ADAMTS17: variants seen among roughly 807,000 people sequenced by gnomAD.
The protein encoded by ADAMTS17 is ADAM metallopeptidase with thrombospondin type 1 motif 17, also known as A disintegrin and metalloproteinase with thrombospondin motifs 17.
A neutral mutation model predicts 141.5 loss-of-function variants in ADAMTS17; 113 were observed. The ratio of observed to expected loss-of-function variants is 0.80; its 90% CI spans 0.69 to 0.93. The LOEUF (loss-of-function observed/expected upper bound fraction) is 0.93, where lower values mean the gene tolerates loss of function less well. ADAMTS17 is among the 40% of genes least tolerant of loss of function. The pLI is 0.00. For missense variants in ADAMTS17, 1,659 were observed against 1,517.9 expected, an observed-to-expected ratio of 1.09 and a Z score of -1.54; for synonymous variants, 768 against 630.6, an observed-to-expected ratio of 1.22 and a Z score of -3.27.
At chr15:100,077,814 G>T (rs2034482157) in intron 15 of ADAMTS17, among the ~76,000 whole-genome samples, 1 of 152,168 alleles carries the variant, frequency 6.6e-6, no homozygotes, top group African/African-American at 2.4e-5. Context: ...GAAAGAAGAA[G>T]TAAAATTATC....
At chr15:100,073,458 G>A (rs2034131538) in intron 15 of ADAMTS17, among the ~76,000 whole-genome samples, 1 of 151,954 alleles carries the variant, frequency 6.6e-6, no homozygotes, top group Non-Finnish European at 1.5e-5. Context: ...AAAGACACAT[G>A]CACACGTATG....
At chr15:100,148,451 C>T (rs1344391928) in intron 10 of ADAMTS17, among the ~76,000 whole-genome samples, 1 of 151,632 alleles carries the variant, frequency 6.6e-6, no homozygotes, top group Non-Finnish European at 1.5e-5. Flanking sequence ...TTTCAGTTTT[C>T]AGAAAAACTG....
intron 20 of ADAMTS17, among the ~76,000 whole-genome samples, chr15:99,992,488 AGAG>A (rs2060709449): frequency 6.6e-6 from 1 of 152,222 alleles, no homozygotes. Flanking sequence ...AATGAATAAA[AGAG>A]GAGTTAAACA....
intron 8 of ADAMTS17, among the ~76,000 whole-genome samples, chr15:100,188,020 G>T (rs1876331668): frequency 6.6e-6 from 1 of 152,144 alleles, no homozygotes; most frequent in Admixed American, 6.5e-5. Flanking sequence ...GGGGTTTGAG[G>T]CTGCAATGAG....
chr15:100,229,563 C>T (rs2042413251), intron 7 of ADAMTS17, among the ~76,000 whole-genome samples: 1 of 152,152 alleles, frequency 6.6e-6, no homozygotes, highest in African/African-American at 2.4e-5. Context: ...CAAGGCTGGT[C>T]CCGCTAAACT....
intron 3 of ADAMTS17, among the ~76,000 whole-genome samples, chr15:100,282,450 C>A (rs1596443586): frequency 6.6e-6 from 1 of 152,188 alleles, no homozygotes; most frequent in South Asian, 2.1e-4. Context: ...TATGTTACGT[C>A]CTATGCATAC....
chr15:100,044,912 A>G (rs182277051), intron 18 of ADAMTS17, among the ~76,000 whole-genome samples: 89 of 152,028 alleles, frequency 5.9e-4, no homozygotes, highest in African/African-American at 2.1e-3. Context: ...GGTTCAAGCA[A>G]TTCTTCTGCC....
intron 10 of ADAMTS17, among the ~76,000 whole-genome samples, chr15:100,141,494 T>C (rs561044681): frequency 9.9e-5 from 15 of 152,256 alleles, no homozygotes; most frequent in African/African-American, 3.6e-4. Flanking sequence ...AAATCAACGC[T>C]AAGAGCTGGA....
At chr15:100,125,086 C>T (rs936863974) in intron 12 of ADAMTS17, among the ~76,000 whole-genome samples, 5 of 152,204 alleles carry the variant, frequency 3.3e-5, no homozygotes, top group Admixed American at 1.3e-4. Context: ...GCTTCACCAT[C>T]CAGAGACACA....
At chr15:100,225,608 T>C (rs1056996625) in intron 7 of ADAMTS17, among the ~76,000 whole-genome samples, 2 of 148,180 alleles carry the variant, frequency 1.3e-5, no homozygotes, top group African/African-American at 5.0e-5. Context: ...CATTCAGTCC[T>C]TACAGCAGTC....
At chr15:100,265,873 C>T (rs2043697192) in intron 4 of ADAMTS17, among the ~76,000 whole-genome samples, 1 of 152,192 alleles carries the variant, frequency 6.6e-6, no homozygotes, top group South Asian at 2.1e-4. Flanking sequence ...TGGAGTCCAC[C>T]CCAGCCCCCA....
chr15:100,069,091 C>T (rs529195950), intron 15 of ADAMTS17, among the ~76,000 whole-genome samples: 11 of 152,188 alleles, frequency 7.2e-5, no homozygotes, highest in South Asian at 2.1e-4. Flanking sequence ...AACTACGTGA[C>T]GAATGCAGAA....
chr15:100,099,116 G>C (rs2035942674), intron 14 of ADAMTS17, among the ~76,000 whole-genome samples: 1 of 152,188 alleles, frequency 6.6e-6, no homozygotes, highest in African/African-American at 2.4e-5. Flanking sequence ...GGGCTTTTCA[G>C]GGCAGGTGCA....
At chr15:100,203,430 G>C (rs1158584844) in intron 7 of ADAMTS17, among the ~76,000 whole-genome samples, 4 of 152,212 alleles carry the variant, frequency 2.6e-5, no homozygotes. Flanking sequence ...AAATTGGTTG[G>C]GTGTGGTGGC....
intron 15 of ADAMTS17, among the ~76,000 whole-genome samples, chr15:100,068,043 C>A (rs2033674995): frequency 6.6e-6 from 1 of 152,114 alleles, no homozygotes; most frequent in Non-Finnish European, 1.5e-5. Context: ...AAAATCGGGT[C>A]ACTCCCACCC....
rs1264546787 is a variant in ADAMTS17, at chr15:99,972,419, T to C, written c.*1983A>G. ...GCATATCTGGAGGCCCCGGGGCCCA[T>C]GCAGGAGACCAAGCTAAGGCTTCCT... On this transcript the variant is annotated 3_prime_UTR_variant, in exon 22 of 22. Transcript: ENST00000268070. The C allele has an allele frequency of 6.6e-6, 1 of 152,224 alleles. No homozygotes were observed. Among genetic ancestry groups the C allele is most frequent in the Non-Finnish European group, 1.5e-5 (1 of 68,050 alleles). The allele number at this position is 152,224 out of a possible 1,614,324, so 9.4% of individuals were successfully genotyped here.
chr15:100,023,811 T>A (rs2061449675), intron 18 of ADAMTS17, among the ~76,000 whole-genome samples: 2 of 152,248 alleles, frequency 1.3e-5, no homozygotes, highest in Admixed American at 6.5e-5. Flanking sequence ...TTTGCGCTGA[T>A]CTCCAGGGCA....
At position 100,071,788 on chromosome 15, in the gene ADAMTS17, T is replaced by C. The variant is rs921514883; in HGVS notation, c.2138-17734A>G. On this transcript the variant is annotated intron_variant, in intron 15 of 21. Coordinates refer to ENST00000268070, the MANE Select transcript of ADAMTS17 (RefSeq NM_139057.4). Reference sequence around the variant, plus strand: ...ATAAGAGCTATTTATGACAAACCCATAGCCAATATCATACCGAATGGGCAA... The same window carrying C: ...ATAAGAGCTATTTATGACAAACCCACAGCCAATATCATACCGAATGGGCAA... Among the ~76,000 whole-genome samples, 9 of 150,284 alleles carry C rather than the reference T, an allele frequency of 6.0e-5. 1 individual carries two copies. The highest frequency in any genetic ancestry group is 2.0e-4 in the African/African-American group (8 of 40,626).
At chr15:100,297,898 C>G (rs74037451) in intron 3 of ADAMTS17, among the ~76,000 whole-genome samples, 10,742 of 152,118 alleles carry the variant, frequency 0.071, 679 homozygotes, top group East Asian at 0.24. Flanking sequence ...CAAGCTACGA[C>G]AAGAGCAGAG....
Sources: gnomAD v4.1 joint callset for allele counts (sites outside exome capture counted in the v4.1 genomes callset) on GRCh38, gnomAD v4.1.1 for gene constraint, MANE v1.5 for transcripts, NCBI Gene and HGNC (gene_info 2026-07-23, HGNC 2026-07-21) for gene names.